The following NUDCD1 variants were observed in gnomAD, a reference collection of about 807,000 sequenced individuals.
NUDCD1 encodes nudC domain-containing protein 1.
NUDCD1 carries 60 observed loss-of-function variants against 67.8 expected under a neutral mutation model. That is an observed-to-expected ratio of 0.88 (90% CI 0.72 to 1.10). NUDCD1 has a LOEUF of 1.10. NUDCD1 is among the 50% of genes least tolerant of loss of function. NUDCD1 has a pLI of 0.00. For missense variants in NUDCD1, 643 were observed against 695.0 expected (o/e 0.93, Z 0.84); for synonymous variants, 244 against 230.8 (o/e 1.06, Z -0.52).
intron 6 of NUDCD1, among the ~76,000 whole-genome samples, chr8:109,276,257 GAGA>G (rs761728985): frequency 2.0e-5 from 3 of 152,158 alleles, no homozygotes; most frequent in South Asian, 2.1e-4. Flanking sequence ...ACGGACATAG[GAGA>G]AGAAGTAACT....
At chr8:109,261,181 T>C (rs916600909) in intron 8 of NUDCD1, among the ~76,000 whole-genome samples, 1 of 152,184 alleles carries the variant, frequency 6.6e-6, no homozygotes, top group Non-Finnish European at 1.5e-5. Context: ...GCATGCAATA[T>C]ATTAGTATAA....
chr8:109,291,036 C>T (rs1033282744), intron 4 of NUDCD1, among the ~76,000 whole-genome samples: 2 of 152,182 alleles, frequency 1.3e-5, no homozygotes, highest in Non-Finnish European at 2.9e-5. Flanking sequence ...CAAACACCGA[C>T]ATCACATATT....
At chr8:109,281,762 C>T (rs889056176) in intron 5 of NUDCD1, among the ~76,000 whole-genome samples, 6 of 152,298 alleles carry the variant, frequency 3.9e-5, no homozygotes, top group Non-Finnish European at 5.9e-5. Context: ...GCACCTTGCC[C>T]AGATTGCAGC....
chr8:109,257,352 T>TA (rs1469402522), intron 8 of NUDCD1, among the ~76,000 whole-genome samples: 1 of 152,012 alleles, frequency 6.6e-6, no homozygotes, highest in Non-Finnish European at 1.5e-5. Flanking sequence ...AATTGGGAAT[T>TA]AAAAAATACT....
At chr8:109,273,133 T>C (rs918157971) in intron 7 of NUDCD1, among the ~76,000 whole-genome samples, 1 of 152,054 alleles carries the variant, frequency 6.6e-6, no homozygotes, top group African/African-American at 2.4e-5. Flanking sequence ...ATTTCTAAAC[T>C]GAGTCGAAAA....
intron 8 of NUDCD1, among the ~76,000 whole-genome samples, chr8:109,250,140 C>T (rs1472295782): frequency 6.6e-6 from 1 of 152,044 alleles, no homozygotes; most frequent in Non-Finnish European, 1.5e-5. Context: ...CCACTGGTGC[C>T]TGGCAAGAAT....
chr8:109,315,111 C>T (rs1389231492), intron 2 of NUDCD1: 1 of 152,122 alleles, frequency 6.6e-6, no homozygotes, highest in African/African-American at 2.4e-5. Context: ...GAAGAAAGAA[C>T]ATAAAAAGTT....
At chr8:109,271,767 A>C (rs1380144070) in intron 7 of NUDCD1, among the ~76,000 whole-genome samples, 1 of 152,208 alleles carries the variant, frequency 6.6e-6, no homozygotes, top group African/African-American at 2.4e-5. Flanking sequence ...AGAAATAAAG[A>C]AATTCCTAAA....
At chr8:109,252,304 C>G (rs1293454102) in intron 8 of NUDCD1, among the ~76,000 whole-genome samples, 2 of 152,116 alleles carry the variant, frequency 1.3e-5, no homozygotes, top group African/African-American at 4.8e-5. Flanking sequence ...CTTCTAATAA[C>G]CTGGATGATT....
chr8:109,263,033 G>A (rs1813902696), intron 8 of NUDCD1, among the ~76,000 whole-genome samples: 1 of 123,830 alleles, frequency 8.1e-6, no homozygotes, highest in South Asian at 2.8e-4. Context: ...CCAGCTCGGG[G>A]GACAGAGTGA....
At chr8:109,290,992 G>A (rs183363378) in intron 4 of NUDCD1, among the ~76,000 whole-genome samples, 10 of 152,148 alleles carry the variant, frequency 6.6e-5, no homozygotes, top group Admixed American at 2.0e-4. Flanking sequence ...ATAGATACAT[G>A]CAGGGCCAAA....
At chr8:109,309,572 A>C (rs1815191259) in intron 2 of NUDCD1, among the ~76,000 whole-genome samples, 1 of 152,236 alleles carries the variant, frequency 6.6e-6, no homozygotes, top group Non-Finnish European at 1.5e-5. Context: ...GCCCACTCTT[A>C]CTACTCCTCT....
At chr8:109,269,241 C>A (rs1194908346) in intron 8 of NUDCD1, among the ~76,000 whole-genome samples, 1 of 152,090 alleles carries the variant, frequency 6.6e-6, no homozygotes, top group Non-Finnish European at 1.5e-5. Context: ...GTGTGGTGAA[C>A]AAGAGAGCAT....
intron 8 of NUDCD1, among the ~76,000 whole-genome samples, chr8:109,269,532 C>T (rs919950997): frequency 3.9e-5 from 6 of 152,148 alleles, no homozygotes; most frequent in Non-Finnish European, 7.4e-5. Flanking sequence ...ACCTGGTAAG[C>T]CAGCTTCCCA....
At chr8:109,275,861 T>A (rs577265840) in intron 6 of NUDCD1, among the ~76,000 whole-genome samples, 1 of 151,946 alleles carries the variant, frequency 6.6e-6, no homozygotes, top group East Asian at 1.9e-4. Context: ...TGGTCGGGGG[T>A]GTGGGCATGT....
intron 8 of NUDCD1, among the ~76,000 whole-genome samples, chr8:109,249,000 G>C (rs568297008): frequency 1.3e-5 from 2 of 152,002 alleles, no homozygotes; most frequent in East Asian, 3.9e-4. Context: ...AAAAGAAATT[G>C]TGTATTGCAA....
At chr8:109,317,131 C>T (rs1465500103) in intron 2 of NUDCD1, among the ~76,000 whole-genome samples, 1 of 152,118 alleles carries the variant, frequency 6.6e-6, no homozygotes, top group Non-Finnish European at 1.5e-5. Context: ...AATAAAAATA[C>T]ATATTACAAA....
intron 6 of NUDCD1, among the ~76,000 whole-genome samples, chr8:109,280,379 C>G (rs1814404217): frequency 1.3e-5 from 2 of 152,158 alleles, no homozygotes; most frequent in Admixed American, 1.3e-4. Context: ...AACTCCTGGC[C>G]TCAAGCAATC....
chr8:109,296,436 A>C lies in NUDCD1; in HGVS notation c.407T>G (p.Leu136Trp). Reference protein sequence around the residue: ...WVTLSDGTGRLYVIGTGERGN... With the variant: ...WVTLSDGTGRWYVIGTGERGN... ...ACGTTCACCTGTTCCAATGACATAC[A>C]ATCTTCCAGTTCCATCTGACAAGGT... Residue 136 changes from leucine to tryptophan, a missense_variant, in exon 3 of 10, where the codon TTG becomes TGG. Coordinates refer to ENST00000239690, the MANE Select transcript of NUDCD1 (RefSeq NM_032869.4). The C allele has an allele frequency of 6.2e-7, 1 of 1,613,742 alleles. No homozygotes were observed. Among genetic ancestry groups the C allele is most frequent in the Non-Finnish European group, 8.5e-7 (1 of 1,179,738 alleles).
Sources: allele counts gnomAD v4.1 joint callset (sites outside exome capture counted in the v4.1 genomes callset), GRCh38; gene constraint gnomAD v4.1.1; transcripts MANE v1.5; gene names NCBI Gene and HGNC (gene_info 2026-07-23, HGNC 2026-07-21).